MYT1L: variants seen among roughly 807,000 people sequenced by gnomAD.
MYT1L encodes the protein myelin transcription factor 1 like, also known as myelin transcription factor 1-like protein.
In MYT1L, 12 loss-of-function variants were observed where a neutral mutation model predicts 126.7. The observed-to-expected ratio is 0.09, with a 90% CI of 0.06 to 0.15. The LOEUF is 0.15. Among genes scored for constraint, MYT1L ranks in the 10% least tolerant of loss-of-function variants. MYT1L has a pLI of 1.00. For missense variants in MYT1L, 979 were observed against 1,585.2 expected (o/e 0.62, Z 6.49); for synonymous variants, 541 against 604.2 (o/e 0.90, Z 1.53).
At chr2:2,107,291 G>A (rs888491462) in intron 3 of MYT1L, among the ~76,000 whole-genome samples, 1 of 152,198 alleles carries the variant, frequency 6.6e-6, no homozygotes, top group African/African-American at 2.4e-5. Flanking sequence ...AGCAGAGGAT[G>A]GCCCACTTGC....
At chr2:2,209,945 A>G (rs775409396) in intron 2 of MYT1L, among the ~76,000 whole-genome samples, 3 of 152,138 alleles carry the variant, frequency 2.0e-5, no homozygotes, top group Non-Finnish European at 4.4e-5. Context: ...CATTCTCTCC[A>G]GCATTTGTTA....
intron 2 of MYT1L, among the ~76,000 whole-genome samples, chr2:2,266,061 C>G (rs1370650548): frequency 6.6e-6 from 1 of 152,212 alleles, no homozygotes; most frequent in Non-Finnish European, 1.5e-5. Flanking sequence ...CAGCCCTTCA[C>G]AGCCTGCTGA....
chr2:2,075,544 G>A (rs1575003960), intron 3 of MYT1L, among the ~76,000 whole-genome samples: 1 of 152,204 alleles, frequency 6.6e-6, no homozygotes, highest in Non-Finnish European at 1.5e-5. Flanking sequence ...TGACAGATAT[G>A]TAAGGCCACA....
rs75584003 is a variant in MYT1L at position 2,151,739 on chromosome 2, C to T, written c.-304+21133G>A. Among the ~76,000 whole-genome samples, 1,511 of 152,100 alleles carry T rather than the reference C, an allele frequency of 9.9e-3. 27 individuals carry two copies. The highest frequency in any genetic ancestry group is 0.031 in the African/African-American group (1,277 of 41,472). ...GTAAAAGATTAACAACAGTAACTAA[C>T]AAAAAAAGTAGCTAATAAAAACAGC... On this transcript the variant is annotated intron_variant, in intron 3 of 24. Coordinates refer to ENST00000647738, the MANE Select transcript of MYT1L (RefSeq NM_001303052.2).
chr2:2,082,098 T>C (rs761664624), intron 3 of MYT1L, among the ~76,000 whole-genome samples: 4 of 152,148 alleles, frequency 2.6e-5, no homozygotes, highest in Admixed American at 1.3e-4. Context: ...GATAGAATGA[T>C]AGCATCCATC....
intron 2 of MYT1L, among the ~76,000 whole-genome samples, chr2:2,270,679 A>G (rs1010153339): frequency 2.6e-5 from 4 of 152,138 alleles, no homozygotes; most frequent in Non-Finnish European, 5.9e-5. Context: ...AAGTGTGGCC[A>G]TAAAAGGACA....
intron 4 of MYT1L, among the ~76,000 whole-genome samples, chr2:2,042,427 G>A (rs964170525): frequency 6.6e-6 from 1 of 152,068 alleles, no homozygotes; most frequent in Non-Finnish European, 1.5e-5. Flanking sequence ...CTTGTGATAC[G>A]GAGCATATTT....
chr2:1,845,131 A>G (rs908456920), intron 19 of MYT1L, among the ~76,000 whole-genome samples: 2 of 152,158 alleles, frequency 1.3e-5, no homozygotes, highest in Non-Finnish European at 2.9e-5. Context: ...GACTTGCACT[A>G]CTACACCTGG....
chr2:2,295,267 T>C (rs938326161), intron 1 of MYT1L, among the ~76,000 whole-genome samples: 1 of 152,100 alleles, frequency 6.6e-6, no homozygotes, highest in Non-Finnish European at 1.5e-5. Flanking sequence ...CAGAGGAAAC[T>C]GGTATCACAC....
intron 3 of MYT1L, among the ~76,000 whole-genome samples, chr2:2,153,020 A>T (rs2086067099): frequency 6.6e-6 from 1 of 152,206 alleles, no homozygotes; most frequent in Non-Finnish European, 1.5e-5. Flanking sequence ...TAAGAGGTCC[A>T]GGCATCATGG....
chr2:2,225,678 G>T (rs1353866124), intron 2 of MYT1L, among the ~76,000 whole-genome samples: 1 of 152,088 alleles, frequency 6.6e-6, no homozygotes, highest in Non-Finnish European at 1.5e-5. Flanking sequence ...GCTCCTCCAT[G>T]AGCCGGGGCG....
intron 4 of MYT1L, among the ~76,000 whole-genome samples, chr2:2,022,703 GAAAA>G (rs112786973): frequency 7.4e-6 from 1 of 134,888 alleles, no homozygotes; most frequent in African/African-American, 2.7e-5. Flanking sequence ...TTCCTGCTCT[GAAAA>G]AAAAAAAAAG....
chr2:2,081,976 C>T (rs1375466001), intron 3 of MYT1L, among the ~76,000 whole-genome samples: 3 of 152,202 alleles, frequency 2.0e-5, no homozygotes, highest in African/African-American at 4.8e-5. Context: ...CTCCTGACCT[C>T]GTGATCTGCC....
intron 18 of MYT1L, among the ~76,000 whole-genome samples, chr2:1,882,761 A>G (rs539443773): frequency 2.0e-5 from 3 of 152,360 alleles, no homozygotes; most frequent in Admixed American, 6.5e-5. Flanking sequence ...ATCTCCCTCC[A>G]GGAGAGCCTG....
At chr2:2,130,614 G>C (rs1341712450) in intron 3 of MYT1L, among the ~76,000 whole-genome samples, 1 of 152,130 alleles carries the variant, frequency 6.6e-6, no homozygotes, top group Non-Finnish European at 1.5e-5. Flanking sequence ...AAAAAAGTGA[G>C]ATAGGGCAGG....
At chr2:2,061,054 G>T (rs1275729653) in intron 3 of MYT1L, among the ~76,000 whole-genome samples, 1 of 152,136 alleles carries the variant, frequency 6.6e-6, no homozygotes, top group Admixed American at 6.5e-5. Context: ...AAGAATCAGA[G>T]AAATAGTGAT....
chr2:1,967,056 G>A (rs2059421118), intron 8 of MYT1L, among the ~76,000 whole-genome samples: 1 of 151,990 alleles, frequency 6.6e-6, no homozygotes, highest in Non-Finnish European at 1.5e-5. Flanking sequence ...AGTGGCTTTT[G>A]GTTACACGGA....
At chr2:2,065,738 G>C (rs1359086762) in intron 3 of MYT1L, among the ~76,000 whole-genome samples, 2 of 151,948 alleles carry the variant, frequency 1.3e-5, no homozygotes, top group African/African-American at 4.8e-5. Context: ...ACTTGGAGCA[G>C]ATGACACTTT....
chr2:2,267,516 C>T (rs2095162921), intron 2 of MYT1L, among the ~76,000 whole-genome samples: 2 of 151,984 alleles, frequency 1.3e-5, no homozygotes, highest in Admixed American at 6.6e-5. Context: ...GGGATGAAAC[C>T]TAATAAAGGA....
Sources: gnomAD v4.1 joint callset for allele counts (sites outside exome capture counted in the v4.1 genomes callset) on GRCh38, gnomAD v4.1.1 for gene constraint, MANE v1.5 for transcripts, NCBI Gene and HGNC (gene_info 2026-07-23, HGNC 2026-07-21) for gene names.